CADPS: variants seen among roughly 807,000 people sequenced by gnomAD.
CADPS encodes the protein calcium-dependent secretion activator 1.
A neutral mutation model predicts 167.3 loss-of-function variants in CADPS; 57 were observed. That is an observed-to-expected ratio of 0.34 (90% CI 0.28 to 0.42). CADPS has a LOEUF of 0.42. Ranked by LOEUF, CADPS falls within the 20% of genes least tolerant of loss-of-function variation. CADPS has a pLI of 1.00. For synonymous variants in CADPS, 676 were observed against 635.3 expected (o/e 1.06, Z -0.96); for missense variants, 1,414 against 1,738.1 (o/e 0.81, Z 3.32).
chr3:62,566,682 G>C (rs1391600575), intron 9 of CADPS, among the ~76,000 whole-genome samples: 3 of 152,162 alleles, frequency 2.0e-5, no homozygotes, highest in African/African-American at 7.2e-5. Context: ...AATAGGACAA[G>C]AATTGAAAGA....
At chr3:62,707,514 C>G (rs1268126075) in intron 3 of CADPS, among the ~76,000 whole-genome samples, 6 of 152,070 alleles carry the variant, frequency 3.9e-5, no homozygotes, top group Admixed American at 3.9e-4. Context: ...GAATCAAAAG[C>G]TGATAGTGGG....
chr3:62,797,288 T>TC (rs1266254017), intron 1 of CADPS, among the ~76,000 whole-genome samples: 1 of 152,136 alleles, frequency 6.6e-6, no homozygotes, highest in Admixed American at 6.6e-5. Context: ...ATAAATTGTG[T>TC]CCTGTGACGG....
chr3:62,525,911 C>T (rs2072060107), intron 13 of CADPS, among the ~76,000 whole-genome samples: 1 of 151,890 alleles, frequency 6.6e-6, no homozygotes, highest in Non-Finnish European at 1.5e-5. Flanking sequence ...TCATTGTGGT[C>T]CAGAGGAGAG....
intron 1 of CADPS, among the ~76,000 whole-genome samples, chr3:62,853,028 C>T (rs2078939315): frequency 6.6e-6 from 1 of 152,188 alleles, no homozygotes; most frequent in Non-Finnish European, 1.5e-5. Flanking sequence ...AAATGAGCTA[C>T]AGCCCCTAGA....
At chr3:62,440,434 T>A (rs981805689) in intron 27 of CADPS, 2 of 151,548 alleles carry the variant, frequency 1.3e-5, no homozygotes, top group African/African-American at 4.9e-5. Flanking sequence ...TCAGCTAGAA[T>A]AATGTATGTA....
intron 6 of CADPS, among the ~76,000 whole-genome samples, chr3:62,628,108 C>T (rs1198776858): frequency 6.6e-6 from 1 of 152,142 alleles, no homozygotes; most frequent in Admixed American, 6.5e-5. Flanking sequence ...AGTAGGAAGG[C>T]GTTCTGCTGT....
chr3:62,698,635 C>T (rs77144851), intron 3 of CADPS, among the ~76,000 whole-genome samples: 3 of 34,098 alleles, frequency 8.8e-5, no homozygotes, highest in Admixed American at 4.5e-4. Flanking sequence ...TCTTGTTCTT[C>T]TCCTTCTCCT....
chr3:62,856,930 GAGA>G (rs2079813763), intron 1 of CADPS, among the ~76,000 whole-genome samples: 1 of 151,386 alleles, frequency 6.6e-6, no homozygotes, highest in South Asian at 2.1e-4. Context: ...TCTTTGGATA[GAGA>G]AGGTCTTTCA....
intron 10 of CADPS, among the ~76,000 whole-genome samples, chr3:62,555,008 C>T (rs1168031580): frequency 1.3e-5 from 2 of 152,192 alleles, no homozygotes; most frequent in Non-Finnish European, 2.9e-5. Context: ...CCACCTCAGC[C>T]TCCCAAAGTG....
chr3:62,764,179 C>T (rs2086267166), intron 2 of CADPS, among the ~76,000 whole-genome samples: 2 of 152,142 alleles, frequency 1.3e-5, no homozygotes, highest in Non-Finnish European at 2.9e-5. Flanking sequence ...CCATTACTCT[C>T]CCATTGGCTT....
intron 1 of CADPS, among the ~76,000 whole-genome samples, chr3:62,859,079 C>T (rs2080255160): frequency 6.6e-6 from 1 of 152,056 alleles, no homozygotes; most frequent in East Asian, 1.9e-4. Flanking sequence ...GTACACAAGA[C>T]AGAAATGCAC....
intron 4 of CADPS, among the ~76,000 whole-genome samples, chr3:62,654,858 C>T (rs1002881748): frequency 2.6e-5 from 4 of 152,088 alleles, no homozygotes; most frequent in Non-Finnish European, 5.9e-5. Context: ...AAATAGCTAG[C>T]GTTTGTGAAG....
chr3:62,806,072 T>A (rs2094074530), intron 1 of CADPS, among the ~76,000 whole-genome samples: 1 of 152,046 alleles, frequency 6.6e-6, no homozygotes, highest in Admixed American at 6.6e-5. Context: ...TACCCCTCAA[T>A]TACCCAGTCT....
chr3:62,592,599 C>T (rs1257292474), intron 7 of CADPS, 38 bp downstream of exon 7: 2 of 1,508,294 alleles, frequency 1.3e-6, no homozygotes, highest in Non-Finnish European at 1.8e-6. Flanking sequence ...TGGGGAAATC[C>T]TCTCTGTGGA....
At chr3:62,616,265 C>T (rs1405947659) in intron 6 of CADPS, among the ~76,000 whole-genome samples, 1 of 152,166 alleles carries the variant, frequency 6.6e-6, no homozygotes, top group East Asian at 1.9e-4. Flanking sequence ...ATGTGTCCAA[C>T]ATGAAAATTC....
intron 21 of CADPS, among the ~76,000 whole-genome samples, chr3:62,485,158 G>A (rs566224199): frequency 1.3e-5 from 2 of 151,530 alleles, no homozygotes; most frequent in African/African-American, 2.4e-5. Flanking sequence ...GTTTTTAAGC[G>A]CCACCCTCCC....
intron 1 of CADPS, among the ~76,000 whole-genome samples, chr3:62,811,680 G>A (rs2094401623): frequency 2.6e-5 from 4 of 152,178 alleles, no homozygotes; most frequent in Admixed American, 6.5e-5. Context: ...TGGCATCAAT[G>A]CTGTAATTGG....
intron 1 of CADPS, among the ~76,000 whole-genome samples, chr3:62,836,310 A>G (rs1028732551): frequency 6.6e-6 from 1 of 152,180 alleles, no homozygotes; most frequent in African/African-American, 2.4e-5. Flanking sequence ...TCCTGGAACC[A>G]TTTCTGCCTT....
chr3:62,764,322 A>G (rs1047197676), intron 2 of CADPS, among the ~76,000 whole-genome samples: 4 of 152,222 alleles, frequency 2.6e-5, no homozygotes, highest in Non-Finnish European at 5.9e-5. Flanking sequence ...ACTCCCCATG[A>G]AATTCAGCCA....
Sources: allele counts gnomAD v4.1 joint callset (sites outside exome capture counted in the v4.1 genomes callset), GRCh38; gene constraint gnomAD v4.1.1; transcripts MANE v1.5; gene names NCBI Gene and HGNC (gene_info 2026-07-23, HGNC 2026-07-21).